Variants in PRKN observed in about 807,000 individuals in gnomAD.
The protein encoded by PRKN is E3 ubiquitin-protein ligase parkin.
Under a neutral mutation model 59.5 loss-of-function variants are expected in PRKN, and 56 were observed. The ratio of observed to expected loss-of-function variants is 0.94; its 90% CI spans 0.76 to 1.18. The LOEUF is 1.18. Ranked by LOEUF, PRKN falls within the 50% of genes most tolerant of loss-of-function variation. PRKN has a pLI of 0.00. For synonymous variants in PRKN, 250 were observed against 222.1 expected, an observed-to-expected ratio of 1.13 and a Z score of -1.12; for missense variants, 657 against 596.4, an observed-to-expected ratio of 1.10 and a Z score of -1.06.
At chr6:162,198,490 G>A (rs1227124040) in intron 4 of PRKN, among the ~76,000 whole-genome samples, 3 of 151,602 alleles carry the variant, frequency 2.0e-5, no homozygotes, top group Non-Finnish European at 4.4e-5. Flanking sequence ...ACATAAAATA[G>A]TAATATTAAT....
At chr6:161,716,564 A>C (rs1371320096) in intron 7 of PRKN, among the ~76,000 whole-genome samples, 1 of 152,200 alleles carries the variant, frequency 6.6e-6, no homozygotes, top group Non-Finnish European at 1.5e-5. Context: ...ACAGGCATTT[A>C]CTGAGTACCT....
At chr6:161,832,742 G>A (rs147080255) in intron 6 of PRKN, among the ~76,000 whole-genome samples, 12 of 151,596 alleles carry the variant, frequency 7.9e-5, no homozygotes, top group East Asian at 3.9e-4. Flanking sequence ...AATGACATGC[G>A]CCATCCTGGA....
intron 7 of PRKN, among the ~76,000 whole-genome samples, chr6:161,587,836 T>C (rs1226088436): frequency 6.6e-6 from 1 of 152,154 alleles, no homozygotes; most frequent in Non-Finnish European, 1.5e-5. Context: ...AAACTCACTG[T>C]ATCTAATATA....
chr6:161,958,703 ACC>A (rs886800378), intron 6 of PRKN, among the ~76,000 whole-genome samples: 35 of 152,026 alleles, frequency 2.3e-4, no homozygotes, highest in Admixed American at 1.7e-3. Flanking sequence ...ACATGGCAAA[ACC>A]CCATCTCTAC....
intron 1 of PRKN, among the ~76,000 whole-genome samples, chr6:162,461,040 T>C (rs1366226230): frequency 6.6e-6 from 1 of 152,122 alleles, no homozygotes; most frequent in Non-Finnish European, 1.5e-5. Flanking sequence ...AAATATTTAC[T>C]GAATAAGTAA....
chr6:162,132,988 T>C (rs771926283), intron 4 of PRKN, among the ~76,000 whole-genome samples: 3 of 152,124 alleles, frequency 2.0e-5, no homozygotes, highest in African/African-American at 4.8e-5. Flanking sequence ...ACCGTGGCCA[T>C]TGTCGGGGCA....
intron 2 of PRKN, among the ~76,000 whole-genome samples, chr6:162,408,224 T>C (rs1037652932): frequency 1.3e-5 from 2 of 151,912 alleles, no homozygotes; most frequent in East Asian, 3.9e-4. Context: ...GGTACTTACA[T>C]AAAGTTGCAG....
intron 5 of PRKN, among the ~76,000 whole-genome samples, chr6:161,998,543 A>T (rs1236396466): frequency 6.6e-6 from 1 of 152,130 alleles, no homozygotes; most frequent in Admixed American, 6.6e-5. Flanking sequence ...ACATGTGGCC[A>T]GGGCTCCATC....
chr6:162,274,176 T>TTAATTAATTA (rs1780508667), intron 2 of PRKN, among the ~76,000 whole-genome samples: 1 of 148,432 alleles, frequency 6.7e-6, no homozygotes, highest in African/African-American at 2.6e-5. Context: ...TTTATTAATT[T>TTAATTAATTA]ATTAATGTAT....
At chr6:162,296,196 A>G (rs901812100) in intron 2 of PRKN, among the ~76,000 whole-genome samples, 2 of 151,892 alleles carry the variant, frequency 1.3e-5, no homozygotes, top group East Asian at 3.9e-4. Flanking sequence ...AGTCGCCTTA[A>G]AACAGAATGT....
At chr6:162,110,707 G>A (rs575828138) in intron 4 of PRKN, among the ~76,000 whole-genome samples, 1 of 152,274 alleles carries the variant, frequency 6.6e-6, no homozygotes, top group South Asian at 2.1e-4. Flanking sequence ...CAGGGGCGAT[G>A]TCCTTTTGAG....
intron 1 of PRKN, among the ~76,000 whole-genome samples, chr6:162,447,276 A>G (rs571734247): frequency 6.6e-6 from 1 of 152,262 alleles, no homozygotes; most frequent in South Asian, 2.1e-4. Context: ...TACTAAATAA[A>G]GTAGCCAATT....
intron 4 of PRKN, among the ~76,000 whole-genome samples, chr6:162,191,789 T>C (rs1784286555): frequency 6.6e-6 from 1 of 152,176 alleles, no homozygotes; most frequent in Non-Finnish European, 1.5e-5. Flanking sequence ...CTGTGTCCGT[T>C]GTTATCCTGC....
chr6:162,578,914 A>G (rs1180789853), intron 1 of PRKN, among the ~76,000 whole-genome samples: 1 of 152,220 alleles, frequency 6.6e-6, no homozygotes, highest in Non-Finnish European at 1.5e-5. Flanking sequence ...TTAAGTTCCA[A>G]AAGTTCAAGG....
chr6:161,588,859 T>C lies in PRKN; in HGVS notation c.872-19443A>G, dbSNP rs1196035898. 2.0e-5 allele frequency among the ~76,000 whole-genome samples: 3 copies of C among 152,144 alleles called. No individual in the cohort carries two copies. Among genetic ancestry groups the C allele is most frequent in the Non-Finnish European group, 4.4e-5 (3 of 68,020 alleles). On this transcript the variant is annotated intron_variant, in intron 7 of 11. Coordinates refer to ENST00000366898, the MANE Select transcript of PRKN (RefSeq NM_004562.3). This position sits in a 1 kb window ranked among gnomAD's most constrained non-coding sequence, Gnocchi z 5.0. ...TAAAAATACAGGACACCCAGTTAAA[T>C]TTGAGTTTCAGTAAAGTACCAAGTC... is the stretch of plus-strand genomic sequence containing the variant.
chr6:161,799,500 G>A (rs1790992698), intron 6 of PRKN, among the ~76,000 whole-genome samples: 1 of 152,204 alleles, frequency 6.6e-6, no homozygotes, highest in Non-Finnish European at 1.5e-5. Context: ...GTCCAGTTTG[G>A]AGAGCACCCA....
At position 161,530,501 on chromosome 6, in the gene PRKN, G is replaced by A. The variant is rs1379612908; in HGVS notation, c.1083+18353C>T. Among the ~76,000 whole-genome samples the A allele has an allele frequency of 6.6e-6, 1 of 151,500 alleles. No homozygotes were observed. The highest frequency in any genetic ancestry group is 1.5e-5 in the Non-Finnish European group (1 of 67,938). On this transcript the variant is annotated intron_variant, in intron 9 of 11. Coordinates refer to ENST00000366898, the MANE Select transcript of PRKN (RefSeq NM_004562.3). This position sits in a 1 kb window ranked among gnomAD's most constrained non-coding sequence, Gnocchi z 5.0. ...GTGTCGAAGAAGACCTATACGGCTT[G>A]CTTCTTTTTTTCTTTTTTTCTTTTT...
At chr6:162,311,558 C>T (rs2128118171) in intron 2 of PRKN, among the ~76,000 whole-genome samples, 1 of 149,046 alleles carries the variant, frequency 6.7e-6, no homozygotes, top group African/African-American at 2.5e-5. Context: ...TCTTGGCTCA[C>T]TGCAACCTCC....
At chr6:162,175,403 AG>A (rs1318750509) in intron 4 of PRKN, among the ~76,000 whole-genome samples, 1 of 152,218 alleles carries the variant, frequency 6.6e-6, no homozygotes, top group Non-Finnish European at 1.5e-5. Flanking sequence ...GGTACATAGC[AG>A]GTACTTTATG....
Sources: gnomAD v4.1 joint callset for allele counts (sites outside exome capture counted in the v4.1 genomes callset) on GRCh38, gnomAD v4.1.1 for gene constraint, Gnocchi (gnomAD v3.1) non-coding constraint, MANE v1.5 for transcripts, NCBI Gene and HGNC (gene_info 2026-07-23, HGNC 2026-07-21) for gene names.